The following MLIP variants were observed in gnomAD, a reference collection of about 807,000 sequenced individuals.
The protein encoded by MLIP is muscular LMNA interacting protein, also known as muscular LMNA-interacting protein.
A neutral mutation model predicts 84.8 loss-of-function variants in MLIP; 79 were observed. The observed-to-expected ratio is 0.93, with a 90% confidence interval of 0.78 to 1.12. MLIP has a LOEUF of 1.12. MLIP is among the 50% of genes most tolerant of loss of function. The pLI is 0.00. For synonymous variants in MLIP, 504 were observed against 463.0 expected (o/e 1.09, Z -1.14); for missense variants, 1,257 against 1,160.6 (o/e 1.08, Z -1.21).
intron 1 of MLIP, among the ~76,000 whole-genome samples, chr6:54,052,244 C>T (rs1335758906): frequency 6.6e-6 from 1 of 152,096 alleles, no homozygotes; most frequent in Non-Finnish European, 1.5e-5. Flanking sequence ...CTCAGATGAA[C>T]ATCTACCTGG....
chr6:54,039,114 C>G (rs1764604376), intron 1 of MLIP, among the ~76,000 whole-genome samples: 2 of 151,748 alleles, frequency 1.3e-5, no homozygotes, highest in South Asian at 4.2e-4. Context: ...AAAAGTTACA[C>G]TAATGAAAGG....
chr6:54,169,355 G>T (rs923723682), intron 8 of MLIP, among the ~76,000 whole-genome samples, 173 bp from the exon 9 acceptor site: 2 of 151,686 alleles, frequency 1.3e-5, no homozygotes, highest in Admixed American at 1.3e-4. Flanking sequence ...TCAGTGAGAA[G>T]AATAATCAAG....
At chr6:54,049,230 T>A (rs1765242452) in intron 1 of MLIP, among the ~76,000 whole-genome samples, 1 of 152,162 alleles carries the variant, frequency 6.6e-6, no homozygotes, top group African/African-American at 2.4e-5. Context: ...GGTGGGGCCC[T>A]GTTATCAATA....
Position 54,018,989 on chromosome 6 carries a change from G to A in MLIP, c.-40G>A, listed in dbSNP as rs761240425. 4 of 1,534,350 alleles carry A rather than the reference G, an allele frequency of 2.6e-6. No homozygotes were observed. The Admixed American group carries it at 5.0e-5, about 19-fold the overall frequency. On this transcript the variant is annotated 5_prime_UTR_variant, in exon 1 of 13. Coordinates refer to the MLIP transcript ENST00000274897. ...TTTTCTAGACAGAATCTGAACCTCT[G>A]TGTCTCTCAGTCTTTCTCTCTTTCT... is the stretch of plus-strand genomic sequence containing the variant.
intron 12 of MLIP, among the ~76,000 whole-genome samples, chr6:54,245,841 A>G (rs1340002183): frequency 6.6e-6 from 1 of 152,164 alleles, no homozygotes; most frequent in Non-Finnish European, 1.5e-5. Flanking sequence ...AATCTATTTT[A>G]ATTATGTAAT....
chr6:54,230,627 T>C (rs1780924728), intron 11 of MLIP, 87 bp from the exon 12 acceptor site: 15 of 1,211,946 alleles, frequency 1.2e-5, no homozygotes, highest in Non-Finnish European at 1.8e-5. Context: ...TAAGAGATTC[T>C]GACCTATGTC....
At position 54,137,274 on chromosome 6, in the gene MLIP, C is replaced by T. The variant is rs1416059273; in HGVS notation, c.1205C>T (p.Ser402Leu). The change falls in exon 4 of 14, where the codon TCA becomes TTA. Residue 402 changes from serine (S) to leucine (L), a missense_variant. Coordinates refer to ENST00000502396, the MANE Select transcript of MLIP (RefSeq NM_001281747.2). The stretch of plus-strand genomic sequence containing the variant: ...CAAATGTCATCTAGTGGAAATCTTT[C>T]AAAGTCAGGGGTAAAATCCCCGGTG... ...CSQMSSSGNLSKSGVKSPVPS... is the reference protein window; with the variant it reads ...CSQMSSSGNLLKSGVKSPVPS... The T allele has an allele frequency of 2.6e-6, 4 of 1,536,076 alleles. No homozygotes were observed. Among genetic ancestry groups the T allele is most frequent in the Non-Finnish European group, 3.5e-6 (4 of 1,146,906 alleles).
At position 54,138,110 on chromosome 6, in the gene MLIP, C is replaced by T. The variant is rs771883845; in HGVS notation, c.2041C>T (p.Pro681Ser). Residue 681 changes from proline to serine, a missense_variant, in exon 4 of 14, where the codon CCA becomes TCA. By Grantham distance (74) the Pro-to-Ser change is moderately conservative. Transcript: ENST00000502396. Reference sequence around the variant, plus strand: ...CCAGCTCAGTCCCTCAGCTCTGCACCCACATTGCGGCAGTGGTACCTTGCC... The same window carrying T: ...CCAGCTCAGTCCCTCAGCTCTGCACTCACATTGCGGCAGTGGTACCTTGCC... ...VPQLSPSALH[P>S]HCGSGTLPSR... 50 of 1,536,002 alleles carry T rather than the reference C, an allele frequency of 3.3e-5. 1 individual carries two copies. The South Asian group carries it at 5.7e-4, about 18-fold the overall frequency.
At chr6:54,238,357 C>A (rs944099579) in intron 12 of MLIP, among the ~76,000 whole-genome samples, 1 of 152,198 alleles carries the variant, frequency 6.6e-6, no homozygotes, top group African/African-American at 2.4e-5. Flanking sequence ...CCAAGGTAAA[C>A]CTCTCTTTTT....
At chr6:54,056,275 A>G (rs1233532245) in intron 1 of MLIP, among the ~76,000 whole-genome samples, 1 of 152,172 alleles carries the variant, frequency 6.6e-6, no homozygotes, top group Non-Finnish European at 1.5e-5. Context: ...AAGTTGACCA[A>G]GTTTGAGGAA....
At chr6:54,048,242 G>T (rs779334880) in intron 1 of MLIP, among the ~76,000 whole-genome samples, 7 of 152,202 alleles carry the variant, frequency 4.6e-5, no homozygotes, top group Non-Finnish European at 1.0e-4. Context: ...TTTGAGGCTA[G>T]GGTTCTGGAA....
chr6:54,154,769 T>C (rs1403664487), intron 5 of MLIP, among the ~76,000 whole-genome samples: 1 of 152,062 alleles, frequency 6.6e-6, no homozygotes, highest in Non-Finnish European at 1.5e-5. Flanking sequence ...TGTTTTTATG[T>C]GGAAAAATTA....
chr6:54,034,874 C>T (rs931633662), intron 1 of MLIP, among the ~76,000 whole-genome samples: 9 of 152,080 alleles, frequency 5.9e-5, no homozygotes, highest in Admixed American at 1.3e-4. Context: ...ACTTCCAGTC[C>T]GGTAAGCTCT....
chr6:54,177,248 G>A (rs944228270), intron 9 of MLIP, among the ~76,000 whole-genome samples: 1 of 152,226 alleles, frequency 6.6e-6, no homozygotes, highest in Non-Finnish European at 1.5e-5. Context: ...TATCATCAGA[G>A]TGAACAGACA....
chr6:54,164,005 G>A (rs149090571), intron 8 of MLIP, among the ~76,000 whole-genome samples: 40 of 151,920 alleles, frequency 2.6e-4, no homozygotes, highest in African/African-American at 8.7e-4. Flanking sequence ...ACATACTTAC[G>A]AAGTATTTTG....
In MLIP at chr6:54,138,264, G is replaced by C. The variant is rs753112976; in HGVS notation, c.2195G>C (p.Gly732Ala). 1.3e-4 allele frequency: 197 copies of C among 1,533,832 alleles called. 4 individuals are homozygous for C. The highest frequency in any genetic ancestry group is 6.7e-4 in the South Asian group (56 of 84,028). ...ISPCALSMST[G>A]PENKKSKQYK... is the part of the protein sequence containing the mutation. ...CCTTGTGCATTGTCCATGTCAACAG[G>C]CCCAGAAAATAAGAAATCAAAGGTA... Residue 732 changes from glycine to alanine, a missense_variant, in exon 4 of 14, where the codon GGC becomes GCC. By Grantham distance (60) the Gly-to-Ala change is moderately conservative. Coordinates refer to ENST00000502396, the MANE Select transcript of MLIP (RefSeq NM_001281747.2).
At chr6:54,204,561 T>C (rs566598956) in intron 11 of MLIP, among the ~76,000 whole-genome samples, 11 of 152,310 alleles carry the variant, frequency 7.2e-5, no homozygotes, top group South Asian at 6.2e-4. Context: ...TCTGTGTGAG[T>C]ATAATTTTAA....
At chr6:54,136,501 A>G (rs1771806540) in intron 3 of MLIP, among the ~76,000 whole-genome samples, 1 of 152,202 alleles carries the variant, frequency 6.6e-6, no homozygotes, top group Non-Finnish European at 1.5e-5. Flanking sequence ...GGGATAAATG[A>G]GGTATAGGAT....
chr6:54,081,792 C>T (rs530196904), intron 1 of MLIP, among the ~76,000 whole-genome samples: 38 of 152,208 alleles, frequency 2.5e-4, no homozygotes, highest in African/African-American at 8.9e-4. Context: ...TGATTACTCA[C>T]CTTCATTTTA....
Sources: gnomAD v4.1 joint callset for allele counts (sites outside exome capture counted in the v4.1 genomes callset) on GRCh38, gnomAD v4.1.1 for gene constraint, MANE v1.5 for transcripts, NCBI Gene and HGNC (gene_info 2026-07-23, HGNC 2026-07-21) for gene names.